Variants in ACTR3B observed in about 807,000 individuals in gnomAD.
The protein encoded by ACTR3B is actin related protein 3B, also known as actin-related protein 3B.
A neutral mutation model predicts 59.0 loss-of-function variants in ACTR3B; 8 were observed. The ratio of observed to expected loss-of-function variants is 0.14; its 90% CI spans 0.08 to 0.24. The LOEUF is 0.24. ACTR3B is among the 10% of genes least tolerant of loss of function. The pLI is 1.00. For missense variants in ACTR3B, 245 were observed against 552.3 expected, an observed-to-expected ratio of 0.44 and a Z score of 5.58; for synonymous variants, 148 against 197.9, an observed-to-expected ratio of 0.75 and a Z score of 2.12.
At chr7:152,836,352 C>T (rs956524403) in intron 9 of ACTR3B, among the ~76,000 whole-genome samples, 1 of 151,930 alleles carries the variant, frequency 6.6e-6, no homozygotes, top group African/African-American at 2.4e-5. Context: ...AATCCCATCA[C>T]TTCGGGAGGC....
chr7:152,843,456 T>G (rs1590440723), intron 9 of ACTR3B, among the ~76,000 whole-genome samples: 1 of 152,382 alleles, frequency 6.6e-6, no homozygotes, highest in South Asian at 2.1e-4. Flanking sequence ...ATTTCCCTAT[T>G]GAAGTATCTT....
chr7:152,837,799 G>T (rs1260596405), intron 9 of ACTR3B, among the ~76,000 whole-genome samples: 1 of 152,136 alleles, frequency 6.6e-6, no homozygotes, highest in East Asian at 1.9e-4. Context: ...AACCGACTTT[G>T]TTGTGGTTTG....
chr7:152,765,076 ATTTTTGT>A (rs1186588676), intron 1 of ACTR3B, among the ~76,000 whole-genome samples: 2 of 89,466 alleles, frequency 2.2e-5, no homozygotes, highest in South Asian at 7.1e-4. Flanking sequence ...ATTTATTTTT[ATTTTTGT>A]TTTGAGACTG....
intron 2 of ACTR3B, among the ~76,000 whole-genome samples, chr7:152,785,763 G>C (rs1184243277): frequency 6.9e-5 from 4 of 58,124 alleles, no homozygotes; most frequent in African/African-American, 1.5e-4. Context: ...GGAGAAGCAG[G>C]GGTGCTGTGG....
intron 3 of ACTR3B, 72 bp from the exon 4 acceptor site, chr7:152,801,549 T>C (rs1175165153): frequency 6.4e-7 from 1 of 1,560,932 alleles, no homozygotes; most frequent in Admixed American, 1.9e-5. Context: ...CAGTTTCTTC[T>C]GTGCCACTGT....
At chr7:152,803,746 C>T (rs903930614) in intron 4 of ACTR3B, among the ~76,000 whole-genome samples, 1 of 152,170 alleles carries the variant, frequency 6.6e-6, no homozygotes. Context: ...ATGGAAAAGG[C>T]CATTTGCTAA....
chr7:152,825,447 G>T (rs1439948492), intron 9 of ACTR3B, among the ~76,000 whole-genome samples: 1 of 152,054 alleles, frequency 6.6e-6, no homozygotes, highest in African/African-American at 2.4e-5. Context: ...GAGTAGCTGG[G>T]ACTACAGGTG....
At chr7:152,833,202 G>A (rs1283296579) in intron 9 of ACTR3B, among the ~76,000 whole-genome samples, 2 of 152,324 alleles carry the variant, frequency 1.3e-5, no homozygotes, top group East Asian at 1.9e-4. Context: ...GAAAGAAGAC[G>A]TGTGGGTAAT....
chr7:152,812,174 G>A (rs1795314012), intron 4 of ACTR3B: 1 of 95,836 alleles, frequency 1.0e-5, no homozygotes, highest in Non-Finnish European at 2.5e-5. Flanking sequence ...GGGACTACAG[G>A]TGCACACCAC....
At position 152,820,466 on chromosome 7, in the gene ACTR3B, C is replaced by G. The variant is rs188338574; in HGVS notation, c.684+24C>G. On this transcript the variant is annotated intron_variant, in intron 7 of 11. Transcript: ENST00000256001. The stretch of plus-strand genomic sequence containing the variant: ...AGGTAAAAACAGATGGGAAACCGGC[C>G]GGTTTGGGGGTGAGAGAGATGGTGT... 3.1e-6 allele frequency: 5 copies of G among 1,601,266 alleles called. No homozygotes were observed. The African/African-American group carries it at 6.7e-5, about 21-fold the overall frequency.
intron 9 of ACTR3B, 54 bp from the exon 10 acceptor site, chr7:152,852,072 G>A (rs1457580051): frequency 1.5e-5 from 24 of 1,612,880 alleles, no homozygotes; most frequent in Non-Finnish European, 1.8e-5. Context: ...GGTGGTTCCC[G>A]GAACTGTGGG....
intron 9 of ACTR3B, among the ~76,000 whole-genome samples, chr7:152,846,752 G>T (rs1464880865): frequency 7.1e-6 from 1 of 141,088 alleles, no homozygotes; most frequent in Admixed American, 7.2e-5. Flanking sequence ...GCTGTAGTCT[G>T]CAGTGAGCTC....
chr7:152,833,572 T>C (rs182669570), intron 9 of ACTR3B, among the ~76,000 whole-genome samples: 2,116 of 152,308 alleles, frequency 0.014, 45 homozygotes, highest in African/African-American at 0.046. Context: ...TTACAGAGGA[T>C]GGCTGATAGG....
intron 1 of ACTR3B, among the ~76,000 whole-genome samples, chr7:152,775,261 ATAAAT>A (rs1376033856): frequency 6.6e-6 from 1 of 152,112 alleles, no homozygotes; most frequent in Admixed American, 6.6e-5. Context: ...ACTTTCAAAC[ATAAAT>A]TAATTGACCT....
rs2689545 is a variant in ACTR3B at position 152,844,465 on chromosome 7, A to T, written c.952-7661A>T. Among the ~76,000 whole-genome samples, 299 of 151,848 alleles carry T rather than the reference A, an allele frequency of 2.0e-3. 1 individual carries two copies. The highest frequency in any genetic ancestry group is 3.3e-3 in the African/African-American group (139 of 41,542). Reference sequence around the variant, plus strand: ...AAAAGTGGAATTTAAATGTATTAAAATAGCCATAATAGTGATTTAAAAAAA... The same window carrying T: ...AAAAGTGGAATTTAAATGTATTAAATTAGCCATAATAGTGATTTAAAAAAA... On this transcript the variant is annotated intron_variant, in intron 9 of 11. Transcript: ENST00000256001.
At chr7:152,828,640 G>A (rs532183424) in intron 9 of ACTR3B, among the ~76,000 whole-genome samples, 1 of 152,314 alleles carries the variant, frequency 6.6e-6, no homozygotes, top group Admixed American at 6.5e-5. Flanking sequence ...ACCTTTCTCT[G>A]GACGGCCGCT....
chr7:152,853,514 G>C lies in ACTR3B; in HGVS notation c.1098G>C (p.Gln366His). The change falls in exon 11 of 12, where the codon CAG becomes CAC. Residue 366 changes from glutamine (Q) to histidine (H), a missense_variant. Transcript: ENST00000256001. ...TCCAGCCGAAGCCTGTGGAGGTCCA[G>C]GTGGTCACGCATCACATGCAGCGCT... ...GRIKPKPVEV[Q>H]VVTHHMQRYA... 2 of 1,613,984 alleles carry C rather than the reference G, an allele frequency of 1.2e-6. No individual in the cohort carries two copies. The highest frequency in any genetic ancestry group is 1.7e-6 in the Non-Finnish European group (2 of 1,179,986).
At chr7:152,810,979 A>G (rs1795186505) in intron 4 of ACTR3B, 1 of 152,064 alleles carries the variant, frequency 6.6e-6, no homozygotes, top group African/African-American at 2.4e-5. Context: ...CGGAATGGAG[A>G]CACCTCTTTT....
chr7:152,833,920 A>C, intron 9 of ACTR3B, among the ~76,000 whole-genome samples: 1 of 152,134 alleles, frequency 6.6e-6, no homozygotes, highest in Non-Finnish European at 1.5e-5. Context: ...GATATAGTGA[A>C]CTGAATAAAT....
Sources: gnomAD v4.1 joint callset for allele counts (sites outside exome capture counted in the v4.1 genomes callset) on GRCh38, gnomAD v4.1.1 for gene constraint, MANE v1.5 for transcripts, NCBI Gene and HGNC (gene_info 2026-07-23, HGNC 2026-07-21) for gene names.